The following FER1L5 variants were observed in gnomAD, a reference collection of about 807,000 sequenced individuals.
FER1L5 encodes fer-1-like protein 5.
FER1L5 carries 187 observed loss-of-function variants against 279.9 expected under a neutral mutation model. The observed-to-expected ratio is 0.67, with a 90% CI of 0.59 to 0.75. The LOEUF (loss-of-function observed/expected upper bound fraction) is 0.75. Among genes scored for constraint, FER1L5 ranks in the 30% least tolerant of loss-of-function variants. FER1L5 has a pLI of 0.00. For synonymous variants in FER1L5, 921 were observed against 989.7 expected, an observed-to-expected ratio of 0.93 and a Z score of 1.30; for missense variants, 2,091 against 2,594.4, an observed-to-expected ratio of 0.81 and a Z score of 4.21.
chr2:96,695,266 G>T, intron 34 of FER1L5: 1 of 510,604 alleles, frequency 2.0e-6, no homozygotes. Flanking sequence ...CCAGTGGCCA[G>T]AGGTCACCTC....
chr2:96,647,104 A>G lies in FER1L5; in HGVS notation c.179A>G (p.Asp60Gly), dbSNP rs1295977810. The change falls in exon 3 of 53, where the codon GAC (aspartate) becomes GGC (glycine). Residue 60 changes from aspartate to glycine, a missense_variant. Asp to Gly is a moderately conservative substitution (Grantham distance 94). Coordinates refer to ENST00000624922, the MANE Select transcript of FER1L5 (RefSeq NM_001293083.2). The stretch of plus-strand genomic sequence containing the variant: ...CTCTGGAACCGCCCCCTGGAAAATG[A>G]CTCCTTCCTGCAAGTCACCCTTCAG... Reference protein sequence around the residue: ...WHLWNRPLENDSFLQVTLQDM... With the variant: ...WHLWNRPLENGSFLQVTLQDM... The G allele has an allele frequency of 1.3e-6, 2 of 1,551,294 alleles. No individual in the cohort carries two copies. The highest frequency in any genetic ancestry group is 1.4e-5 in the African/African-American group (1 of 72,988).
At chr2:96,681,289 A>G (rs61295961) in intron 19 of FER1L5, among the ~76,000 whole-genome samples, 3,775 of 152,256 alleles carry the variant, frequency 0.025, 155 homozygotes, top group African/African-American at 0.085. Context: ...TGAGGCTACA[A>G]TGAGCCGTGA....
rs1273092101 is a variant in FER1L5, at chr2:96,649,645, C to T, written c.362C>T (p.Ala121Val). The change falls in exon 5 of 53, where the codon GCC becomes GTC. Residue 121 changes from alanine to valine, a missense_variant. By Grantham distance (64) the Ala-to-Val change is moderately conservative. Transcript: ENST00000624922. Reference sequence around the variant, plus strand: ...CAGTGTACTGTCACCCTACAGGTGGCCCACATGAGCAACCAGGATATTGAG... The same window carrying T: ...CAGTGTACTGTCACCCTACAGGTGGTCCACATGAGCAACCAGGATATTGAG... Reference protein sequence around the residue: ...PTDCTVTLQVAHMSNQDIEKT... With the variant: ...PTDCTVTLQVVHMSNQDIEKT... 1.3e-6 allele frequency: 2 copies of T among 1,551,508 alleles called. No individual in the cohort carries two copies. The highest frequency in any genetic ancestry group is 1.2e-5 in the South Asian group (1 of 84,046).
intron 44 of FER1L5, 54 bp downstream of exon 44, chr2:96,700,134 T>C: frequency 6.2e-7 from 1 of 1,603,810 alleles, no homozygotes; most frequent in Non-Finnish European, 8.5e-7. Flanking sequence ...CTGGAAGCTG[T>C]GAGGCTCCAG....
At chr2:96,669,288 G>A (rs918191564) in intron 17 of FER1L5, among the ~76,000 whole-genome samples, 151 bp downstream of exon 17, 2 of 152,176 alleles carry the variant, frequency 1.3e-5, no homozygotes, top group African/African-American at 2.4e-5. Context: ...GAGCAGCCAC[G>A]TGCATGTGGG....
At chr2:96,669,980 T>G in intron 17 of FER1L5, 139 bp from the exon 18 acceptor site, 1 of 1,180,614 alleles carries the variant, frequency 8.5e-7, no homozygotes, top group Non-Finnish European at 1.2e-6. Context: ...TCTGGAATTC[T>G]TCTCCGGGAT....
intron 7 of FER1L5, chr2:96,652,351 G>T (rs1324041108): frequency 6.6e-6 from 2 of 304,596 alleles, no homozygotes; most frequent in Non-Finnish European, 1.3e-5. Context: ...TGCTGCTGGA[G>T]CCCCAAATTG....
rs1416284864 is a variant in FER1L5 at position 96,698,425 on chromosome 2, G to C, written c.4357-246G>C. 1.3e-5 allele frequency among the ~76,000 whole-genome samples: 2 copies of C among 152,272 alleles called. No individual in the cohort carries two copies. The highest frequency in any genetic ancestry group is 3.9e-4 in the East Asian group (2 of 5,166). On this transcript the variant is annotated intron_variant, in intron 40 of 52. Coordinates refer to ENST00000624922, the MANE Select transcript of FER1L5 (RefSeq NM_001293083.2). The surrounding 1 kb of genome is among the most constrained non-coding windows in gnomAD (Gnocchi z 5.5). ...TGAAGGGATAGATGGGGTGGAATGAGTCCACAGCGGCACAGACGGGGAACT... is the reference window on the plus strand; with the variant it reads ...TGAAGGGATAGATGGGGTGGAATGACTCCACAGCGGCACAGACGGGGAACT...
intron 26 of FER1L5, 127 bp from the exon 27 acceptor site, chr2:96,690,360 C>G: frequency 1.3e-6 from 1 of 767,030 alleles, no homozygotes; most frequent in Non-Finnish European, 2.2e-6. Flanking sequence ...GTGGCAAGCA[C>G]AGTCTGGCCT....
chr2:96,659,392 T>TCTTTCTTC (rs2075802384), intron 9 of FER1L5, among the ~76,000 whole-genome samples: 1 of 8,332 alleles, frequency 1.2e-4, no homozygotes, highest in Admixed American at 1.8e-3. Flanking sequence ...TTTCTTTCTT[T>TCTTTCTTC]CTTTCTTTCT....
intron 19 of FER1L5, among the ~76,000 whole-genome samples, chr2:96,676,454 G>C (rs1366741922): frequency 6.6e-6 from 1 of 152,100 alleles, no homozygotes; most frequent in Non-Finnish European, 1.5e-5. Context: ...AGCGTGAGCC[G>C]CTGGGCCCGG....
intron 26 of FER1L5, among the ~76,000 whole-genome samples, chr2:96,690,282 G>C (rs913654648): frequency 1.3e-5 from 2 of 152,172 alleles, no homozygotes; most frequent in Admixed American, 6.5e-5. Context: ...CAATGAGGAG[G>C]AGCAGCTTCC....
intron 24 of FER1L5, among the ~76,000 whole-genome samples, chr2:96,688,590 G>A (rs1047742005): frequency 6.6e-6 from 1 of 152,160 alleles, no homozygotes; most frequent in Non-Finnish European, 1.5e-5. Flanking sequence ...TTGAGCGTCA[G>A]GCTTTTTAAC....
chr2:96,691,984 C>G lies in FER1L5; in HGVS notation c.3214+21C>G, dbSNP rs1402732030. On this transcript the variant is annotated intron_variant, in intron 30 of 52. Transcript: ENST00000624922. This position sits in a 1 kb window ranked among gnomAD's most constrained non-coding sequence, Gnocchi z 6.0. ...CAATAGTAAGCACTGACTTGGGAGT[C>G]TACTTGAATGGCCCCAGAGGCCAGT... The G allele has an allele frequency of 6.8e-7, 1 of 1,470,990 alleles. No individual in the cohort carries two copies. The highest frequency in any genetic ancestry group is 1.2e-5 in the South Asian group (1 of 82,060). 91.1% of individuals were successfully genotyped at this position (1,470,990 alleles called of 1,614,324 possible).
chr2:96,670,907 C>T (rs2076298144), intron 18 of FER1L5, among the ~76,000 whole-genome samples: 1 of 151,798 alleles, frequency 6.6e-6, no homozygotes, highest in Non-Finnish European at 1.5e-5. Flanking sequence ...GAGTTTGAGA[C>T]CAGCCTGGCC....
At chr2:96,658,318 C>CTT (rs954953685) in intron 9 of FER1L5, among the ~76,000 whole-genome samples, 16 of 128,816 alleles carry the variant, frequency 1.2e-4, no homozygotes, top group Non-Finnish European at 1.0e-4. Flanking sequence ...ACCTGGCCAA[C>CTT]TTTTTTTTTT....
In FER1L5 at chr2:96,691,293, G is replaced by A. The variant is rs2077133266; in HGVS notation, c.2847G>A (p.Val949=). 3 of 1,550,474 alleles carry A rather than the reference G, an allele frequency of 1.9e-6. No individual in the cohort carries two copies. The highest frequency in any genetic ancestry group is 2.4e-5 in the South Asian group (2 of 84,056). ...GCCGCCGCCGGCGCTGGGCGCGTGT[G>A]CGCTTCAGGAACCATGGGGAGCTGA... ...HSCRRRRWAR[V]RFRNHGELSH... Residue 949 remains valine, a synonymous_variant, in exon 28 of 53, where the codon GTG becomes GTA. Transcript: ENST00000624922. The surrounding 1 kb of genome is among the most constrained non-coding windows in gnomAD (Gnocchi z 6.0).
At position 96,693,699 on chromosome 2, in the gene FER1L5, T is replaced by TG; in HGVS notation, c.3474+15dup. On this transcript the variant is annotated intron_variant, in intron 32 of 52. Coordinates refer to ENST00000624922, the MANE Select transcript of FER1L5 (RefSeq NM_001293083.2). ...AGCGTGACTTCTGGGTAAGTTGGGC[T>TG]GGGCAGAGCAAGGGGAAGAGGACCT... 1 of 1,549,562 alleles carries TG rather than the reference T, an allele frequency of 6.5e-7. No homozygotes were observed. The highest frequency in any genetic ancestry group is 8.7e-7 in the Non-Finnish European group (1 of 1,145,774).
rs2076882765 is a variant in FER1L5 at position 96,685,395 on chromosome 2, G to C, written c.1861G>C (p.Glu621Gln). The C allele has an allele frequency of 2.6e-6, 4 of 1,551,118 alleles. No homozygotes were observed. In the South Asian group the frequency reaches 4.8e-5, roughly 18 times the overall value. The change falls in exon 21 of 53, where the codon GAG (glutamate) becomes CAG (glutamine). Residue 621 changes from glutamate to glutamine, a missense_variant. By Grantham distance (29) the Glu-to-Gln change is conservative. Transcript: ENST00000624922. ...PKDPALLYQW[E>Q]KLLRELAEDC... ...GGATCCAGCTCTCCTCTACCAGTGGGAGAAACTGCTGAGGGAGCTGGCAGA... is the reference window on the plus strand; with the variant it reads ...GGATCCAGCTCTCCTCTACCAGTGGCAGAAACTGCTGAGGGAGCTGGCAGA...
Sources: gnomAD v4.1 joint callset for allele counts (sites outside exome capture counted in the v4.1 genomes callset) on GRCh38, gnomAD v4.1.1 for gene constraint, Gnocchi (gnomAD v3.1) non-coding constraint, MANE v1.5 for transcripts, NCBI Gene and HGNC (gene_info 2026-07-23, HGNC 2026-07-21) for gene names.